Variants in PPARGC1A observed in about 807,000 individuals in gnomAD.
PPARGC1A encodes the protein peroxisome proliferator-activated receptor gamma coactivator 1-alpha.
In PPARGC1A, 25 loss-of-function variants were observed where a neutral mutation model predicts 88.7. The ratio of observed to expected loss-of-function variants is 0.28; its 90% CI spans 0.21 to 0.39. The LOEUF (loss-of-function observed/expected upper bound fraction) is 0.39. PPARGC1A is among the 10% of genes least tolerant of loss of function. The probability of loss-of-function intolerance (pLI) is 1.00; values close to 1 mark genes in which losing one functional copy is unlikely to be tolerated. For synonymous variants in PPARGC1A, 363 were observed against 355.6 expected (o/e 1.02, Z -0.24); for missense variants, 880 against 968.7 (o/e 0.91, Z 1.22).
rs755845294 is a variant in PPARGC1A at position 23,793,593 on chromosome 4, A to C, written c.*2229T>G. On this transcript the variant is annotated 3_prime_UTR_variant, in exon 13 of 13. Coordinates refer to ENST00000264867, the MANE Select transcript of PPARGC1A (RefSeq NM_013261.5). ...GTGTATCATGTCTTCCAGAAAAGTC[A>C]TGTCAGCCAAACAGTAATCGAATCT... The C allele has an allele frequency of 5.3e-5, 8 of 152,242 alleles. No individual in the cohort carries two copies. Among genetic ancestry groups the C allele is most frequent in the Non-Finnish European group, 1.0e-4 (7 of 68,014 alleles). The allele number at this position is 152,242 out of a possible 1,614,324, so 9.4% of individuals were successfully genotyped here.
At chr4:24,310,853 A>G in the PPARGC1A span, among the ~76,000 whole-genome samples, 1 of 152,124 alleles carries the variant, frequency 6.6e-6, no homozygotes, top group African/African-American at 2.4e-5. Flanking sequence ...GAGAAAAACG[A>G]TCCATGGAAA....
intron 10 of PPARGC1A, among the ~76,000 whole-genome samples, chr4:23,811,207 G>A (rs1216064159): frequency 2.0e-5 from 3 of 152,138 alleles, no homozygotes; most frequent in Admixed American, 1.3e-4. Flanking sequence ...CCTCCAGCTG[G>A]TAACTGTTGG....
At chr4:23,972,532 C>T in the PPARGC1A span, among the ~76,000 whole-genome samples, 6 of 152,128 alleles carry the variant, frequency 3.9e-5, no homozygotes, top group African/African-American at 1.2e-4. Context: ...AGACATAATA[C>T]GTATGAAAGT....
chr4:23,958,178 G>A, the PPARGC1A span, among the ~76,000 whole-genome samples: 11 of 152,064 alleles, frequency 7.2e-5, no homozygotes, highest in African/African-American at 2.7e-4. Context: ...GAGTCAATTC[G>A]AAGCACTGGG....
the PPARGC1A span, among the ~76,000 whole-genome samples, chr4:24,000,375 G>T: frequency 6.6e-6 from 1 of 152,034 alleles, no homozygotes; most frequent in East Asian, 1.9e-4. Flanking sequence ...CTTCACACTG[G>T]TCTCACTTTA....
At chr4:23,979,789 C>G in the PPARGC1A span, among the ~76,000 whole-genome samples, 1 of 152,186 alleles carries the variant, frequency 6.6e-6, no homozygotes, top group Middle Eastern at 3.2e-3. Flanking sequence ...ATAGCCTCAG[C>G]ATGCACCTTT....
the PPARGC1A span, among the ~76,000 whole-genome samples, chr4:24,123,917 A>AC: frequency 5.3e-5 from 8 of 151,552 alleles, no homozygotes; most frequent in South Asian, 2.1e-4. Flanking sequence ...TGGCAAAAAA[A>AC]AAAAAAAACA....
the PPARGC1A span, among the ~76,000 whole-genome samples, chr4:24,128,200 C>G: frequency 1.3e-5 from 2 of 152,162 alleles, no homozygotes; most frequent in Non-Finnish European, 2.9e-5. Flanking sequence ...GTGCATTATA[C>G]ACTCGTCCTG....
At chr4:23,948,020 A>T in the PPARGC1A span, among the ~76,000 whole-genome samples, 1 of 152,082 alleles carries the variant, frequency 6.6e-6, no homozygotes, top group Non-Finnish European at 1.5e-5. Context: ...TTAAGTTTCC[A>T]TTTGGGAAAG....
the PPARGC1A span, among the ~76,000 whole-genome samples, chr4:24,380,524 T>C: frequency 2.0e-5 from 3 of 152,082 alleles, no homozygotes; most frequent in Admixed American, 6.5e-5. Context: ...AAAGGAGGCA[T>C]GGAGAGGTTA....
chr4:24,355,628 G>A, the PPARGC1A span, among the ~76,000 whole-genome samples: 3 of 152,074 alleles, frequency 2.0e-5, no homozygotes, highest in African/African-American at 7.2e-5. Flanking sequence ...CTTCATTGTT[G>A]TTATTGTTTC....
At chr4:24,207,085 G>A in the PPARGC1A span, among the ~76,000 whole-genome samples, 1 of 151,892 alleles carries the variant, frequency 6.6e-6, no homozygotes, top group Non-Finnish European at 1.5e-5. Context: ...TTTTTTAAAT[G>A]TTTTGATGTA....
chr4:23,898,322 G>A (rs2970861), intron 1 of PPARGC1A, among the ~76,000 whole-genome samples: 118,864 of 152,094 alleles, frequency 0.78, 47,548 homozygotes, highest in African/African-American at 0.93. Context: ...TTGTACATAC[G>A]ACTCTATTGA....
the PPARGC1A span, among the ~76,000 whole-genome samples, chr4:24,380,615 C>T: frequency 2.6e-5 from 4 of 152,014 alleles, no homozygotes; most frequent in Non-Finnish European, 5.9e-5. Context: ...GAAGACAAGA[C>T]GAGAGTCAGT....
At chr4:24,086,842 C>T in the PPARGC1A span, among the ~76,000 whole-genome samples, 6 of 152,270 alleles carry the variant, frequency 3.9e-5, no homozygotes, top group African/African-American at 1.4e-4. Flanking sequence ...TTCATTTAAT[C>T]TCCATGACAA....
the PPARGC1A span, among the ~76,000 whole-genome samples, chr4:24,247,533 CAAAAG>C: frequency 6.6e-6 from 1 of 152,072 alleles, no homozygotes; most frequent in Non-Finnish European, 1.5e-5. Flanking sequence ...AGAAGACACT[CAAAAG>C]GAAAAGAGCA....
chr4:24,459,757 A>C, the PPARGC1A span, among the ~76,000 whole-genome samples: 1 of 152,232 alleles, frequency 6.6e-6, no homozygotes, highest in Admixed American at 6.5e-5. Flanking sequence ...CGCCGCTGAA[A>C]TCCAGCATGA....
the PPARGC1A span, among the ~76,000 whole-genome samples, chr4:24,342,670 GA>G: frequency 6.6e-6 from 1 of 152,134 alleles, no homozygotes; most frequent in Non-Finnish European, 1.5e-5. Context: ...TTGTTCTTCA[GA>G]GCAAATGGGC....
the PPARGC1A span, among the ~76,000 whole-genome samples, chr4:24,008,172 C>A: frequency 6.6e-6 from 1 of 152,154 alleles, no homozygotes; most frequent in Non-Finnish European, 1.5e-5. Context: ...ATTTGACCAG[C>A]CTGGACTCTG....
Sources: allele counts gnomAD v4.1 joint callset (sites outside exome capture counted in the v4.1 genomes callset), GRCh38; gene constraint gnomAD v4.1.1; transcripts MANE v1.5; gene names NCBI Gene and HGNC (gene_info 2026-07-23, HGNC 2026-07-21).